TMEM114: variants seen among roughly 807,000 people sequenced by gnomAD.
TMEM114 encodes the protein transmembrane protein 114, also known as claudin-26.
In TMEM114, 6 loss-of-function variants were observed where a neutral mutation model predicts 6.2. The ratio of observed to expected loss-of-function variants is 0.97; its 90% CI spans 0.53 to 1.91. TMEM114 has a LOEUF of 1.91. Ranked by LOEUF, TMEM114 falls within the 40% of genes most tolerant of loss-of-function variation. The pLI, the probability that TMEM114 is intolerant of heterozygous loss-of-function variation, is 0.01. For synonymous variants in TMEM114, 104 were observed against 73.0 expected (o/e 1.42, Z -2.16); for missense variants, 218 against 158.3 (o/e 1.38, Z -2.02).
At position 8,569,744 on chromosome 16, in the gene TMEM114, C is replaced by T. The variant is rs1258460323; in HGVS notation, c.*29G>A. ...GGTGAAGCTCCGGGGCCAAGCCCCT[C>T]CCTCCCCTCCACGACCCAGCGCCCA... is the stretch of plus-strand genomic sequence containing the variant. On this transcript the variant is annotated 3_prime_UTR_variant, in exon 4 of 4. Coordinates refer to ENST00000620492, the MANE Select transcript of TMEM114 (RefSeq NM_001146336.2). The T allele has an allele frequency of 2.6e-6, 4 of 1,530,134 alleles. No individual in the cohort carries two copies. Among genetic ancestry groups the T allele is most frequent in the Non-Finnish European group, 3.5e-6 (4 of 1,132,856 alleles). The allele number at this position is 1,530,134 out of a possible 1,614,324, so 94.8% of individuals were successfully genotyped here. A position where few individuals can be genotyped will look rare whatever the true frequency, so the allele number is the denominator to read the frequency against.
chr16:8,562,602 G>GAGGAAATA (rs1158026942), intron 2 of TMEM114, among the ~76,000 whole-genome samples: 27 of 151,450 alleles, frequency 1.8e-4, no homozygotes, highest in East Asian at 9.7e-4. Flanking sequence ...GTGAATGAGT[G>GAGGAAATA]AGTGAGTGAA....
At chr16:8,552,544 T>A (rs1900880411) in intron 2 of TMEM114, among the ~76,000 whole-genome samples, 2 of 152,078 alleles carry the variant, frequency 1.3e-5, no homozygotes, top group Non-Finnish European at 2.9e-5. Flanking sequence ...ATAAGATCTG[T>A]AGTTTAACTA....
At chr16:8,538,515 T>C (rs1900426929) in intron 2 of TMEM114, among the ~76,000 whole-genome samples, 1 of 141,296 alleles carries the variant, frequency 7.1e-6, no homozygotes, top group African/African-American at 3.1e-5. Context: ...GTTTGTTTTT[T>C]GTTTTTTTTT....
At chr16:8,539,674 A>G (rs964995553) in intron 2 of TMEM114, among the ~76,000 whole-genome samples, 22 of 152,040 alleles carry the variant, frequency 1.4e-4, no homozygotes, top group Non-Finnish European at 2.5e-4. Context: ...ATATTTATTC[A>G]CCACCACAAG....
At chr16:8,536,235 A>AG (rs1020311325), downstream of TMEM114, among the ~76,000 whole-genome samples, 1 of 152,100 alleles carries the variant, frequency 6.6e-6, no homozygotes, top group Non-Finnish European at 1.5e-5. Context: ...AAAAAAAAAA[A>AG]AAAAATGTAG....
chr16:8,538,273 A>T (rs921110793), intron 2 of TMEM114, among the ~76,000 whole-genome samples: 4 of 151,876 alleles, frequency 2.6e-5, no homozygotes, highest in Admixed American at 2.6e-4. Flanking sequence ...TGGGTGACAG[A>T]CCAAGATGAT....
At chr16:8,528,036 G>A in the TMEM114 span, among the ~76,000 whole-genome samples, 8 of 152,058 alleles carry the variant, frequency 5.3e-5, no homozygotes, top group East Asian at 1.9e-4. Flanking sequence ...AGCTTCCTGC[G>A]TAGCTGGGAT....
intron 2 of TMEM114, among the ~76,000 whole-genome samples, chr16:8,583,798 A>G (rs148747807): frequency 4.0e-4 from 60 of 151,108 alleles, no homozygotes; most frequent in African/African-American, 1.3e-3. Context: ...TTTGAACCCC[A>G]GTGATGTAGG....
downstream of TMEM114, among the ~76,000 whole-genome samples, chr16:8,533,021 G>A (rs968399721): frequency 6.6e-6 from 1 of 152,182 alleles, no homozygotes; most frequent in Non-Finnish European, 1.5e-5. Context: ...AAGCAGTAGG[G>A]ATATCATGAT....
chr16:8,556,933 C>G (rs1401071046), intron 2 of TMEM114, among the ~76,000 whole-genome samples: 1 of 152,212 alleles, frequency 6.6e-6, no homozygotes, highest in Non-Finnish European at 1.5e-5. Flanking sequence ...CTGCTGACCG[C>G]TCCAGCCTCT....
chr16:8,560,019 T>C (rs1901147210), intron 2 of TMEM114, among the ~76,000 whole-genome samples: 1 of 152,030 alleles, frequency 6.6e-6, no homozygotes, highest in South Asian at 2.1e-4. Context: ...TTGTTTGAGA[T>C]AGGGTCTCAC....
At chr16:8,564,889 G>A (rs966208990), downstream of TMEM114, among the ~76,000 whole-genome samples, 3 of 35,322 alleles carry the variant, frequency 8.5e-5, no homozygotes, top group Non-Finnish European at 1.7e-4. Flanking sequence ...GAGTGAATGA[G>A]TGAGTGAGTG....
At chr16:8,563,255 G>C (rs975397935) in intron 2 of TMEM114, among the ~76,000 whole-genome samples, 8 of 151,746 alleles carry the variant, frequency 5.3e-5, no homozygotes, top group Non-Finnish European at 1.2e-4. Flanking sequence ...GTCAGTGAGT[G>C]AATGAATGAG....
At chr16:8,582,291 AG>A (rs1376778575) in intron 2 of TMEM114, among the ~76,000 whole-genome samples, 2 of 151,386 alleles carry the variant, frequency 1.3e-5, no homozygotes, top group Admixed American at 1.3e-4. Context: ...GGTAAGACAT[AG>A]AAAAAAAAAA....
Position 8,590,139 on chromosome 16 carries a change from C to T in TMEM114, c.-301G>A, listed in dbSNP as rs984711077. 4 of 308,526 alleles carry T rather than the reference C, an allele frequency of 1.3e-5. No homozygotes were observed. Among genetic ancestry groups the T allele is most frequent in the Admixed American group, 1.0e-4 (2 of 19,634 alleles). The allele number at this position is 308,526 out of a possible 1,614,324, so 19.1% of individuals were successfully genotyped here. On this transcript the variant is annotated 5_prime_UTR_variant, in exon 1 of 4. Transcript: ENST00000620492. ...ACTTGTGCTGTCCGACCTCCACCTC[C>T]GCCTTCAGACCCTCCTGGAAGCTCT...
intron 3 of TMEM114, among the ~76,000 whole-genome samples, chr16:8,571,799 G>T (rs1901743616): frequency 6.6e-6 from 1 of 152,186 alleles, no homozygotes; most frequent in African/African-American, 2.4e-5. Context: ...CAGCCCTAAA[G>T]CTTGAAGCTA....
At chr16:8,573,962 G>C (rs887391269) in intron 2 of TMEM114, among the ~76,000 whole-genome samples, 1 of 152,216 alleles carries the variant, frequency 6.6e-6, no homozygotes, top group Non-Finnish European at 1.5e-5. Flanking sequence ...GACATGGTAA[G>C]TGCTGAAGAG....
chr16:8,559,342 C>T (rs546962480), intron 2 of TMEM114, among the ~76,000 whole-genome samples: 1 of 152,216 alleles, frequency 6.6e-6, no homozygotes, highest in Non-Finnish European at 1.5e-5. Context: ...CGGACCCTGC[C>T]TTAATTCCAC....
At chr16:8,575,072 A>G (rs1219937638) in intron 2 of TMEM114, among the ~76,000 whole-genome samples, 1 of 152,186 alleles carries the variant, frequency 6.6e-6, no homozygotes. Flanking sequence ...GATGAAAATA[A>G]TCATCATCAC....
Sources: gnomAD v4.1 joint callset for allele counts (sites outside exome capture counted in the v4.1 genomes callset) on GRCh38, gnomAD v4.1.1 for gene constraint, MANE v1.5 for transcripts, NCBI Gene and HGNC (gene_info 2026-07-23, HGNC 2026-07-21) for gene names.